CEP83: variants seen among roughly 807,000 people sequenced by gnomAD.
CEP83 encodes the protein centrosomal protein of 83 kDa.
In CEP83, 70 loss-of-function variants were observed where a neutral mutation model predicts 101.9. The ratio of observed to expected loss-of-function variants is 0.69; its 90% CI spans 0.57 to 0.84. CEP83 has a LOEUF of 0.84. Ranked by LOEUF, CEP83 falls within the 40% of genes least tolerant of loss-of-function variation. The pLI is 0.00. For synonymous variants in CEP83, 264 were observed against 267.9 expected (o/e 0.99, Z 0.14); for missense variants, 715 against 787.2 (o/e 0.91, Z 1.10).
At chr12:94,326,052 A>C (rs1019318263) in intron 14 of CEP83, among the ~76,000 whole-genome samples, 2 of 152,132 alleles carry the variant, frequency 1.3e-5, no homozygotes, top group African/African-American at 4.8e-5. Flanking sequence ...GTCACCAGAA[A>C]GACCAAGTGA....
chr12:94,336,583 T>G (rs1194943833), intron 11 of CEP83, among the ~76,000 whole-genome samples: 4 of 152,210 alleles, frequency 2.6e-5, no homozygotes, highest in Admixed American at 6.5e-5. Flanking sequence ...ATTAGCTGTT[T>G]AAATGTGTGA....
At chr12:94,369,268 C>T (rs1417652433) in intron 9 of CEP83, 10 of 152,090 alleles carry the variant, frequency 6.6e-5, no homozygotes, top group African/African-American at 2.4e-4. Flanking sequence ...TCCTGGCTAA[C>T]ACGGTGAAAC....
At chr12:94,413,726 A>T (rs2064059204) in intron 2 of CEP83, among the ~76,000 whole-genome samples, 1 of 152,016 alleles carries the variant, frequency 6.6e-6, no homozygotes, top group Non-Finnish European at 1.5e-5. Flanking sequence ...TTCATCTAGA[A>T]ATAAAAAATG....
chr12:94,389,885 C>G (rs143492557), intron 6 of CEP83, among the ~76,000 whole-genome samples: 1 of 152,338 alleles, frequency 6.6e-6, no homozygotes, highest in South Asian at 2.1e-4. Context: ...AGTCTGAGAT[C>G]GAACTGCGAG....
the CEP83 span, chr12:94,301,185 A>G: frequency 1.7e-6 from 1 of 605,932 alleles, no homozygotes. Flanking sequence ...AGCAAGGGCC[A>G]CTGTCAATTT....
the CEP83 span, among the ~76,000 whole-genome samples, chr12:94,288,399 A>C: frequency 6.6e-6 from 1 of 151,564 alleles, no homozygotes; most frequent in Non-Finnish European, 1.5e-5. Context: ...AGTTTCCCAC[A>C]CATTCTTGGT....
intron 2 of CEP83, among the ~76,000 whole-genome samples, chr12:94,418,156 G>A (rs548368092): frequency 6.6e-6 from 1 of 152,294 alleles, no homozygotes; most frequent in East Asian, 1.9e-4. Context: ...GAGGCCAGGA[G>A]TTCGAGATCA....
In CEP83 at chr12:94,332,697, A is replaced by G. The variant is rs1453568784; in HGVS notation, c.1577+785T>C. On this transcript the variant is annotated intron_variant, in intron 13 of 16. Coordinates refer to ENST00000397809, the MANE Select transcript of CEP83 (RefSeq NM_016122.3). ...TGGATCAACTGAAATGTCACATGCT[A>G]TGGACATTTATCTTGCTTACTTCCT... is the stretch of plus-strand genomic sequence containing the variant. Among the ~76,000 whole-genome samples the G allele has an allele frequency of 2.0e-5, 3 of 152,314 alleles. No individual in the cohort carries two copies. The East Asian group carries it at 5.8e-4, about 29-fold the overall frequency.
intron 6 of CEP83, among the ~76,000 whole-genome samples, chr12:94,398,178 G>T (rs1047047328): frequency 1.3e-5 from 2 of 152,210 alleles, no homozygotes; most frequent in Non-Finnish European, 2.9e-5. Context: ...AAGCTGGAGA[G>T]AATGGGCATT....
downstream of CEP83, among the ~76,000 whole-genome samples, chr12:94,304,946 T>C (rs541437461): frequency 1.3e-5 from 2 of 152,372 alleles, no homozygotes; most frequent in Admixed American, 6.5e-5. Context: ...CCTGGCCCCA[T>C]ATTTGTAAGC....
At chr12:94,322,887 C>T (rs2058807299) in intron 14 of CEP83, among the ~76,000 whole-genome samples, 2 of 152,238 alleles carry the variant, frequency 1.3e-5, no homozygotes, top group African/African-American at 4.8e-5. Context: ...AAAACACCAA[C>T]AAGGGTGACT....
the CEP83 span, chr12:94,279,798 G>T: frequency 1.3e-6 from 1 of 760,362 alleles, no homozygotes; most frequent in Non-Finnish European, 2.3e-6. Flanking sequence ...CATGTCTAGG[G>T]GCCAAGAGAC....
intron 7 of CEP83, among the ~76,000 whole-genome samples, chr12:94,376,738 TATATATATA>T (rs2061568494): frequency 1.9e-5 from 2 of 104,370 alleles, no homozygotes; most frequent in Non-Finnish European, 4.0e-5. Context: ...CACACATATA[TATATATATA>T]TTTTTTTTTT....
At chr12:94,453,802 A>G (rs946617956) in intron 1 of CEP83, among the ~76,000 whole-genome samples, 2 of 152,140 alleles carry the variant, frequency 1.3e-5, no homozygotes, top group Non-Finnish European at 2.9e-5. Flanking sequence ...TCTTCCCACA[A>G]AATTACAGTG....
Position 94,308,527 on chromosome 12 carries a change from G to T in CEP83, c.*286C>A. ...ATGCCAAAAAAAAAAATTCAACAAA[G>T]TAAAAATTTTAAAACTTGACTCTAA... On this transcript the variant is annotated 3_prime_UTR_variant, in exon 17 of 17. Transcript: ENST00000397809. 1 of 212,478 alleles carries T rather than the reference G, an allele frequency of 4.7e-6. No homozygotes were observed. The highest frequency in any genetic ancestry group is 9.4e-6 in the Non-Finnish European group (1 of 106,802). 13.2% of individuals were successfully genotyped at this position (212,478 alleles called of 1,614,324 possible).
intron 2 of CEP83, among the ~76,000 whole-genome samples, chr12:94,416,235 T>C (rs1201359610): frequency 6.6e-6 from 1 of 152,176 alleles, no homozygotes. Flanking sequence ...TTTCCTTTTA[T>C]ACTCATTAAT....
At chr12:94,381,321 G>T (rs1222762098) in intron 6 of CEP83, among the ~76,000 whole-genome samples, 1 of 152,108 alleles carries the variant, frequency 6.6e-6, no homozygotes, top group Non-Finnish European at 1.5e-5. Flanking sequence ...AAAGGGCTTT[G>T]TTTAAATTTC....
chr12:94,306,789 C>G (rs565249842), downstream of CEP83: 3 of 152,174 alleles, frequency 2.0e-5, no homozygotes, highest in South Asian at 6.2e-4. Context: ...GGTGACACCT[C>G]AACAAACTGA....
At chr12:94,303,734 T>G, downstream of CEP83, 63 of 750,938 alleles carry the variant, frequency 8.4e-5, no homozygotes, top group Non-Finnish European at 9.0e-5. Flanking sequence ...GATGGTTGCT[T>G]TTTTTTTTTT....
Sources: allele counts gnomAD v4.1 joint callset (sites outside exome capture counted in the v4.1 genomes callset), GRCh38; gene constraint gnomAD v4.1.1; transcripts MANE v1.5; gene names NCBI Gene and HGNC (gene_info 2026-07-23, HGNC 2026-07-21).